RPF2: variants seen among roughly 807,000 people sequenced by gnomAD.
The protein encoded by RPF2 is brix domain containing 1.
RPF2 carries 21 observed loss-of-function variants against 38.9 expected under a neutral mutation model. The ratio of observed to expected loss-of-function variants is 0.54; its 90% CI spans 0.38 to 0.78. RPF2 has a LOEUF of 0.78. Among genes scored for constraint, RPF2 ranks in the 30% least tolerant of loss-of-function variants. The pLI, the probability that RPF2 is intolerant of heterozygous loss-of-function variation, is 0.00. For synonymous variants in RPF2, 121 were observed against 126.2 expected, an observed-to-expected ratio of 0.96 and a Z score of 0.28; for missense variants, 314 against 358.1, an observed-to-expected ratio of 0.88 and a Z score of 0.99.
chr6:110,991,703 AC>A, intron 3 of RPF2, 43 bp from the exon 4 acceptor site: 2 of 696,182 alleles, frequency 2.9e-6, no homozygotes, highest in Non-Finnish European at 4.7e-6. Context: ...AATTGTATAT[AC>A]TTATTTAGAT....
At chr6:111,009,436 A>G (rs1771975322) in intron 7 of RPF2, among the ~76,000 whole-genome samples, 1 of 149,374 alleles carries the variant, frequency 6.7e-6, no homozygotes, top group Admixed American at 6.7e-5. Context: ...CAGGCGATCC[A>G]CCCTCCTTGG....
At position 111,025,968 on chromosome 6, in the gene RPF2, A is replaced by G. The variant is rs921860777; in HGVS notation, c.*386A>G. ...CAATCTCAGTATGAATTACCTGGAA[A>G]GTTAACCTCCTCTCCCAACATGGAT... On this transcript the variant is annotated 3_prime_UTR_variant, in exon 10 of 10. Coordinates refer to ENST00000441448, the MANE Select transcript of RPF2 (RefSeq NM_032194.3). The G allele has an allele frequency of 2.6e-5, 4 of 154,154 alleles. No individual in the cohort carries two copies. The highest frequency in any genetic ancestry group is 9.6e-5 in the African/African-American group (4 of 41,592). The allele number at this position is 154,154 out of a possible 1,614,324, so 9.5% of individuals were successfully genotyped here.
In RPF2 at chr6:111,015,857, G is replaced by GT. The variant is rs752436503; in HGVS notation, c.596+2dup. 8.8e-6 allele frequency: 14 copies of GT among 1,584,742 alleles called. No homozygotes were observed. Among genetic ancestry groups the GT allele is most frequent in the Non-Finnish European group, 1.2e-5 (14 of 1,153,348 alleles). On this transcript the variant is annotated splice_donor_variant, in intron 8 of 9. Transcript: ENST00000441448. LOFTEE classifies it high-confidence loss of function. ...GGAAGATTTACTTTCGAAGCTATAA[G>GT]TAAGTGCATTTCTTCACATATTTTC...
chr6:111,008,017 G>C, intron 6 of RPF2, 21 bp from the exon 7 acceptor site: 1 of 1,213,558 alleles, frequency 8.2e-7, no homozygotes, highest in Admixed American at 2.3e-5. Flanking sequence ...TTATATAATT[G>C]CTTTTTTTTT....
chr6:111,005,172 G>C (rs1356878211), intron 6 of RPF2, among the ~76,000 whole-genome samples: 1 of 152,168 alleles, frequency 6.6e-6, no homozygotes, highest in Admixed American at 6.5e-5. Context: ...GACCGTTAAG[G>C]TTCCGGGTTT....
intron 4 of RPF2, among the ~76,000 whole-genome samples, chr6:110,994,143 G>T (rs983578383): frequency 4.6e-5 from 7 of 152,134 alleles, no homozygotes; most frequent in African/African-American, 7.2e-5. Flanking sequence ...AGGCGTGGTG[G>T]CACATGCCTA....
At chr6:110,988,876 C>G in intron 2 of RPF2, 152 bp from the exon 3 acceptor site, 2 of 919,674 alleles carry the variant, frequency 2.2e-6, no homozygotes, top group Non-Finnish European at 1.6e-6. Context: ...TTTCAAGTTA[C>G]TGTAAGTGAT....
At chr6:110,997,041 A>G (rs1771723590) in intron 4 of RPF2, 142 bp from the exon 5 acceptor site, 2 of 623,282 alleles carry the variant, frequency 3.2e-6, no homozygotes, top group Admixed American at 2.8e-5. Context: ...ATCTCAAGTA[A>G]TCAACTCGCC....
chr6:111,020,191 T>C (rs1772206943), intron 8 of RPF2, among the ~76,000 whole-genome samples: 1 of 152,000 alleles, frequency 6.6e-6, no homozygotes, highest in Admixed American at 6.6e-5. Flanking sequence ...GTGCTGAGAT[T>C]ACAGGCATGA....
At position 111,025,534 on chromosome 6, in the gene RPF2, G is replaced by C. The variant is rs1772310153; in HGVS notation, c.873G>C (p.Arg291Ser). The C allele has an allele frequency of 1.2e-6, 2 of 1,610,910 alleles. No homozygotes were observed. The highest frequency in any genetic ancestry group is 1.3e-5 in the African/African-American group (1 of 74,626). The change falls in exon 10 of 10, where the codon AGG becomes AGC. Residue 291 changes from arginine (R) to serine (S), a missense_variant. Physicochemically the swap from Arg to Ser is moderately radical, Grantham distance 110. Transcript: ENST00000441448. The part of the protein sequence containing the change: ...MKGLKKRPAE[R>S]ITEDHEKKSK... ...GGTTGAAGAAGCGACCTGCAGAAAG[G>C]ATAACAGAAGACCACGAGAAAAAGT...
intron 8 of RPF2, among the ~76,000 whole-genome samples, chr6:111,022,962 G>T (rs1016665473): frequency 6.6e-6 from 1 of 152,222 alleles, no homozygotes; most frequent in Non-Finnish European, 1.5e-5. Context: ...GCAGTGGCGC[G>T]ATCTCGGCTC....
At chr6:111,014,838 T>C (rs1391421247) in intron 7 of RPF2, among the ~76,000 whole-genome samples, 2 of 152,220 alleles carry the variant, frequency 1.3e-5, no homozygotes, top group Non-Finnish European at 1.5e-5. Context: ...TTTTAAGTTA[T>C]TGTTTGAGAC....
chr6:111,018,865 C>T (rs898906475), intron 8 of RPF2, among the ~76,000 whole-genome samples: 1 of 152,110 alleles, frequency 6.6e-6, no homozygotes, highest in Non-Finnish European at 1.5e-5. Flanking sequence ...TTATACTATA[C>T]AGTAGATGAC....
Position 110,991,802 on chromosome 6 carries a change from T to C in RPF2, c.234+16T>C. ...GACATCACTGGTAAGTATAATAATC[T>C]TTATGATTTAAGAAAGCATATAAGT... On this transcript the variant is annotated intron_variant, in intron 4 of 9. Coordinates refer to ENST00000441448, the MANE Select transcript of RPF2 (RefSeq NM_032194.3). 1 of 1,069,256 alleles carries C rather than the reference T, an allele frequency of 9.4e-7. No homozygotes were observed. Among genetic ancestry groups the C allele is most frequent in the Non-Finnish European group, 1.3e-6 (1 of 748,234 alleles). The allele number at this position is 1,069,256 out of a possible 1,614,324, so 66.2% of individuals were successfully genotyped here.
At chr6:110,988,917 T>A in intron 2 of RPF2, 111 bp from the exon 3 acceptor site, 2 of 1,346,802 alleles carry the variant, frequency 1.5e-6, no homozygotes, top group Non-Finnish European at 1.0e-6. Context: ...GCCCTCAGAA[T>A]AAGATTGAGG....
At chr6:110,985,831 G>A (rs946236848) in intron 2 of RPF2, among the ~76,000 whole-genome samples, 2 of 151,850 alleles carry the variant, frequency 1.3e-5, no homozygotes, top group Non-Finnish European at 2.9e-5. Context: ...CCAGTTGCTC[G>A]GGAGGCTGAG....
chr6:111,018,867 G>A (rs1404877970), intron 8 of RPF2, among the ~76,000 whole-genome samples: 1 of 152,100 alleles, frequency 6.6e-6, no homozygotes, highest in Non-Finnish European at 1.5e-5. Context: ...ATACTATACA[G>A]TAGATGACTG....
chr6:111,016,670 C>CT (rs71021821), intron 8 of RPF2, among the ~76,000 whole-genome samples: 25,547 of 121,304 alleles, frequency 0.21, 3,067 homozygotes, highest in African/African-American at 0.35. Flanking sequence ...AATTGTGGTT[C>CT]TTTTTTTTTT....
intron 7 of RPF2, among the ~76,000 whole-genome samples, chr6:111,011,396 T>TC (rs11449558): frequency 0.13 from 19,198 of 150,920 alleles, 1,696 homozygotes; most frequent in East Asian, 0.49. Flanking sequence ...CAAGCAATTC[T>TC]CTTCCTTAGC....
Sources: gnomAD v4.1 joint callset for allele counts (sites outside exome capture counted in the v4.1 genomes callset) on GRCh38, gnomAD v4.1.1 for gene constraint, MANE v1.5 for transcripts, NCBI Gene and HGNC (gene_info 2026-07-23, HGNC 2026-07-21) for gene names.